The following VASH2 variants were observed in gnomAD, a reference collection of about 807,000 sequenced individuals.
The protein encoded by VASH2 is vasohibin 2, also known as tubulinyl-Tyr carboxypeptidase 2.
Under a neutral mutation model 37.2 loss-of-function variants are expected in VASH2, and 28 were observed. The ratio of observed to expected loss-of-function variants is 0.75; its 90% CI spans 0.56 to 1.03. The LOEUF (loss-of-function observed/expected upper bound fraction) is 1.03, where lower values mean the gene tolerates loss of function less well. VASH2 is among the 50% of genes least tolerant of loss of function. The pLI, the probability that VASH2 is intolerant of heterozygous loss-of-function variation, is 0.00. For missense variants in VASH2, 419 were observed against 459.1 expected (o/e 0.91, Z 0.80); for synonymous variants, 188 against 174.7 (o/e 1.08, Z -0.60).
intron 6 of VASH2, chr1:212,973,706 A>T: frequency 7.7e-7 from 1 of 1,292,188 alleles, no homozygotes; most frequent in South Asian, 1.5e-5. Flanking sequence ...CTCTCTCTAC[A>T]CGGCACAGGG....
At chr1:212,983,666 G>T (rs1157211558) in intron 7 of VASH2, among the ~76,000 whole-genome samples, 1 of 152,188 alleles carries the variant, frequency 6.6e-6, no homozygotes, top group Non-Finnish European at 1.5e-5. Context: ...GTAGTGGATT[G>T]TGATGGTAGG....
intron 2 of VASH2, 118 bp from the exon 3 acceptor site, chr1:212,961,048 G>T (rs1666658910): frequency 7.5e-6 from 7 of 934,170 alleles, no homozygotes; most frequent in Non-Finnish European, 1.2e-5. Context: ...TGACCATGCT[G>T]CCATCGGCTC....
intron 2 of VASH2, among the ~76,000 whole-genome samples, chr1:212,955,551 G>C (rs891163912): frequency 1.3e-5 from 2 of 152,136 alleles, no homozygotes; most frequent in Non-Finnish European, 2.9e-5. Flanking sequence ...GAAAACAGTG[G>C]GCATTCTAGG....
chr1:212,967,426 G>A, intron 5 of VASH2: 2 of 1,183,306 alleles, frequency 1.7e-6, no homozygotes, highest in Non-Finnish European at 2.1e-6. Context: ...TGGGATGGAT[G>A]GCTGTAAGGG....
chr1:212,961,228 G>A lies in VASH2; in HGVS notation c.339G>A (p.Ala113=), dbSNP rs776976253. ...TGACGATCCCAGACTGGCTCCAGGCGATCCAGAATTACATGAAGACCCTAC... is the reference window on the plus strand; with the variant it reads ...TGACGATCCCAGACTGGCTCCAGGCAATCCAGAATTACATGAAGACCCTAC... The part of the protein sequence containing the change: ...LSMTIPDWLQ[A]IQNYMKTLQY... The change falls in exon 3 of 8, where the codon GCG becomes GCA. Residue 113 remains alanine (A), a synonymous_variant. Coordinates refer to ENST00000517399, the MANE Select transcript of VASH2 (RefSeq NM_001301056.2). 1.2e-5 allele frequency: 20 copies of A among 1,614,072 alleles called. No individual in the cohort carries two copies. The Admixed American group carries it at 2.0e-4, about 16-fold the overall frequency.
intron 7 of VASH2, among the ~76,000 whole-genome samples, chr1:212,975,936 G>T (rs1667157353): frequency 6.6e-6 from 1 of 152,170 alleles, no homozygotes; most frequent in South Asian, 2.1e-4. Flanking sequence ...TAGTCCTGGT[G>T]GATCCGTTTT....
At chr1:212,974,276 G>A (rs1374642782) in intron 7 of VASH2, among the ~76,000 whole-genome samples, 1 of 152,156 alleles carries the variant, frequency 6.6e-6, no homozygotes, top group Non-Finnish European at 1.5e-5. Flanking sequence ...GCTGTCAGTT[G>A]CACACAAACG....
chr1:212,966,950 C>T, intron 5 of VASH2: 1 of 446,080 alleles, frequency 2.2e-6, no homozygotes, highest in Non-Finnish European at 4.3e-6. Context: ...CATGTTTCAC[C>T]AGCAGGCTGG....
intron 2 of VASH2, among the ~76,000 whole-genome samples, 155 bp from the exon 3 acceptor site, chr1:212,961,011 C>G (rs1457534327): frequency 1.3e-5 from 2 of 152,210 alleles, no homozygotes; most frequent in Admixed American, 6.5e-5. Context: ...GGAGGAGGCA[C>G]TGCTCAATCA....
In VASH2 at chr1:212,951,652, G is replaced by T. The variant is rs924925445; in HGVS notation, c.110G>T (p.Gly37Val). 3 of 1,587,500 alleles carry T rather than the reference G, an allele frequency of 1.9e-6. No individual in the cohort carries two copies. The highest frequency in any genetic ancestry group is 2.7e-5 in the African/African-American group (2 of 74,774). ...CCCGTGAGCCTCGCCACCAGCGGGG[G>T]CTCAGAGGAGGAGGACAAAGACGGC... is the stretch of plus-strand genomic sequence containing the variant. ...ARPVSLATSG[G>V]SEEEDKDGGV... Residue 37 changes from glycine (G) to valine (V), a missense_variant, in exon 2 of 8, where the codon GGC becomes GTC. Gly to Val is a moderately radical substitution (Grantham distance 109). This residue lies in a region of VASH2 where 158 missense variants were observed against 163.0 expected (regional missense o/e 0.97). Coordinates refer to ENST00000517399, the MANE Select transcript of VASH2 (RefSeq NM_001301056.2). This position sits in a 1 kb window ranked among gnomAD's most constrained non-coding sequence, Gnocchi z 4.4.
At chr1:212,958,314 C>G (rs1666558284) in intron 2 of VASH2, among the ~76,000 whole-genome samples, 1 of 152,216 alleles carries the variant, frequency 6.6e-6, no homozygotes, top group Admixed American at 6.5e-5. Flanking sequence ...GCCCTGCCCC[C>G]AGCTGGGACT....
intron 7 of VASH2, 36 bp downstream of exon 7, chr1:212,974,106 AAC>A (rs1353138969): frequency 5.1e-6 from 8 of 1,581,336 alleles, no homozygotes; most frequent in Non-Finnish European, 6.9e-6. Flanking sequence ...CTCAAAGCCC[AAC>A]ACACACATTC....
chr1:212,962,508 G>T (rs1023080981), intron 3 of VASH2, among the ~76,000 whole-genome samples: 4 of 152,156 alleles, frequency 2.6e-5, no homozygotes, highest in Non-Finnish European at 5.9e-5. Flanking sequence ...TCCCAGAAAA[G>T]CCCCTCCATT....
At chr1:212,977,038 T>G (rs1667196928) in intron 7 of VASH2, among the ~76,000 whole-genome samples, 1 of 150,742 alleles carries the variant, frequency 6.6e-6, no homozygotes, top group African/African-American at 2.4e-5. Flanking sequence ...GAGGGGTGGG[T>G]TTCAAGGGGG....
At chr1:212,968,974 C>A in intron 5 of VASH2, 1 of 985,432 alleles carries the variant, frequency 1.0e-6, no homozygotes, top group South Asian at 4.7e-5. Flanking sequence ...CATCATGCCA[C>A]TGGAATCACC....
chr1:212,953,174 C>G (rs1481177327), intron 2 of VASH2, among the ~76,000 whole-genome samples: 2 of 152,152 alleles, frequency 1.3e-5, no homozygotes, highest in Non-Finnish European at 2.9e-5. Context: ...AGCACCCGTA[C>G]CAACCCTGCC....
chr1:212,975,418 G>A (rs1037174053), intron 7 of VASH2, among the ~76,000 whole-genome samples: 2 of 152,212 alleles, frequency 1.3e-5, no homozygotes, highest in African/African-American at 4.8e-5. Flanking sequence ...TAGCAAGAGA[G>A]GCTGAAGATG....
intron 5 of VASH2, chr1:212,967,034 C>A (rs896571032): frequency 1.1e-5 from 13 of 1,183,412 alleles, no homozygotes; most frequent in African/African-American, 1.6e-5. Context: ...CAGGAGCCAT[C>A]GCGCCTGGCT....
intron 7 of VASH2, among the ~76,000 whole-genome samples, chr1:212,980,488 A>G (rs992260376): frequency 2.0e-5 from 3 of 151,830 alleles, no homozygotes; most frequent in African/African-American, 7.3e-5. Context: ...GTGGCAGTTC[A>G]TGGCTCCAGC....
Sources: allele counts gnomAD v4.1 joint callset (sites outside exome capture counted in the v4.1 genomes callset), GRCh38; gene constraint gnomAD v4.1.1; regional missense constraint gnomAD v4.1.1; non-coding constraint Gnocchi (gnomAD v3.1); transcripts MANE v1.5; gene names NCBI Gene and HGNC (gene_info 2026-07-23, HGNC 2026-07-21).